Variants in PRKG1 observed in about 807,000 individuals in gnomAD.
PRKG1 encodes cGMP-dependent protein kinase 1.
In PRKG1, 35 loss-of-function variants were observed where a neutral mutation model predicts 88.1. The observed-to-expected ratio is 0.40, with a 90% confidence interval of 0.30 to 0.53. The LOEUF (loss-of-function observed/expected upper bound fraction) is 0.53. Ranked by LOEUF, PRKG1 falls within the 20% of genes least tolerant of loss-of-function variation. The pLI is 0.59. For synonymous variants in PRKG1, 303 were observed against 292.5 expected, an observed-to-expected ratio of 1.04 and a Z score of -0.37; for missense variants, 540 against 839.8, an observed-to-expected ratio of 0.64 and a Z score of 4.41.
chr10:52,087,074 A>C lies in PRKG1; in HGVS notation c.935+24443A>C, dbSNP rs143927366. ...ACATGTGGGGATTATAGGAACTACAATTCAAGATGATATTTGGGTGGGGAC... is the reference window on the plus strand; with the variant it reads ...ACATGTGGGGATTATAGGAACTACACTTCAAGATGATATTTGGGTGGGGAC... On this transcript the variant is annotated intron_variant, in intron 7 of 17. Coordinates refer to ENST00000373980, the MANE Select transcript of PRKG1 (RefSeq NM_006258.4). Among the ~76,000 whole-genome samples the C allele has an allele frequency of 4.6e-3, 694 of 152,224 alleles. 2 individuals carry two copies. The highest frequency in any genetic ancestry group is 0.016 in the African/African-American group (669 of 41,528).
chr10:51,099,987 G>GTCAAACTCCTCAAACTCC (rs1844639175), intron 1 of PRKG1, among the ~76,000 whole-genome samples: 1 of 152,098 alleles, frequency 6.6e-6, no homozygotes, highest in African/African-American at 2.4e-5. Flanking sequence ...TCAAACTCCT[G>GTCAAACTCCTCAAACTCC]GGGTCAAGCC....
chr10:51,618,241 C>T lies in PRKG1; in HGVS notation c.592+150405C>T, dbSNP rs183050914. Among the ~76,000 whole-genome samples the T allele has an allele frequency of 7.9e-4, 121 of 152,284 alleles. No individual in the cohort carries two copies. The East Asian group carries it at 0.018, about 23-fold the overall frequency. On this transcript the variant is annotated intron_variant, in intron 3 of 17. Transcript: ENST00000373980. ...TATACCACAGTTGGCCTAGACTTCC[C>T]TGGGAAAACTGGTCTTTATTTTCTG...
intron 9 of PRKG1, among the ~76,000 whole-genome samples, chr10:52,225,676 T>A (rs1386629815): frequency 6.6e-6 from 1 of 152,156 alleles, no homozygotes; most frequent in Non-Finnish European, 1.5e-5. Context: ...AGGTGAGAGA[T>A]GAGGATCTAG....
intron 2 of PRKG1, among the ~76,000 whole-genome samples, chr10:51,222,023 C>T (rs564962390): frequency 6.6e-6 from 1 of 151,852 alleles, no homozygotes; most frequent in South Asian, 2.1e-4. Flanking sequence ...TACAGGTGCC[C>T]ACCACCACGC....
intron 3 of PRKG1, among the ~76,000 whole-genome samples, chr10:51,665,671 T>C (rs1170017116): frequency 6.6e-6 from 1 of 151,978 alleles, no homozygotes; most frequent in African/African-American, 2.4e-5. Flanking sequence ...CAACAGTTTT[T>C]ATTTTTATTT....
chr10:51,600,861 C>T (rs1050159173), intron 3 of PRKG1, among the ~76,000 whole-genome samples: 3 of 151,640 alleles, frequency 2.0e-5, no homozygotes, highest in African/African-American at 7.3e-5. Flanking sequence ...AGTTTGAGGG[C>T]CCTTTGTTAA....
At chr10:51,964,659 A>G (rs144776427) in intron 5 of PRKG1, among the ~76,000 whole-genome samples, 338 of 152,352 alleles carry the variant, frequency 2.2e-3, no homozygotes, top group African/African-American at 7.8e-3. Context: ...TGATCCAGTT[A>G]TCAAATTTTA....
At chr10:51,405,701 T>C (rs1294507690) in intron 2 of PRKG1, among the ~76,000 whole-genome samples, 3 of 152,210 alleles carry the variant, frequency 2.0e-5, no homozygotes, top group Non-Finnish European at 4.4e-5. Flanking sequence ...CCTGCTTTTC[T>C]GGTCCTGTGT....
intron 5 of PRKG1, among the ~76,000 whole-genome samples, chr10:51,929,304 ATCT>A (rs1459836568): frequency 1.3e-5 from 2 of 148,602 alleles, no homozygotes; most frequent in Admixed American, 6.7e-5. Context: ...CAGCTACATA[ATCT>A]TCTTCCTAGC....
chr10:51,529,064 A>C (rs76761247), intron 3 of PRKG1, among the ~76,000 whole-genome samples: 279 of 152,236 alleles, frequency 1.8e-3, no homozygotes, highest in Non-Finnish European at 2.8e-3. Context: ...GAAACTAAGA[A>C]GATTTTTAGT....
At chr10:51,846,218 C>G (rs1029228696) in intron 4 of PRKG1, among the ~76,000 whole-genome samples, 10 of 152,102 alleles carry the variant, frequency 6.6e-5, no homozygotes, top group African/African-American at 2.4e-4. Context: ...CTTCGTAGAC[C>G]AAAACCTTTA....
At chr10:51,134,778 A>G (rs1845650223) in intron 1 of PRKG1, among the ~76,000 whole-genome samples, 1 of 152,178 alleles carries the variant, frequency 6.6e-6, no homozygotes, top group Admixed American at 6.5e-5. Context: ...CTGGAATGGC[A>G]TACCACTTTC....
intron 9 of PRKG1, among the ~76,000 whole-genome samples, chr10:52,212,601 G>C (rs1840007041): frequency 6.6e-6 from 1 of 151,494 alleles, no homozygotes; most frequent in South Asian, 2.1e-4. Flanking sequence ...CTGTTGGGGG[G>C]AGAGGGGTGG....
chr10:51,227,925 G>C (rs1048161706), intron 2 of PRKG1, among the ~76,000 whole-genome samples: 5 of 151,952 alleles, frequency 3.3e-5, no homozygotes, highest in African/African-American at 1.2e-4. Flanking sequence ...TAATCTCATG[G>C]ACATCTCTAG....
intron 3 of PRKG1, among the ~76,000 whole-genome samples, chr10:51,554,027 A>ATGTGTATATATTATATGTG (rs1837224207): frequency 5.7e-5 from 8 of 140,304 alleles, no homozygotes; most frequent in Admixed American, 5.0e-4. Flanking sequence ...CGTATGTGAT[A>ATGTGTATATATTATATGTG]CGTGTATATA....
chr10:51,452,631 G>T (rs996417137), intron 2 of PRKG1, among the ~76,000 whole-genome samples: 6 of 151,858 alleles, frequency 4.0e-5, no homozygotes, highest in Admixed American at 1.3e-4. Context: ...CTGCATCCCT[G>T]GTATAAAACC....
At chr10:51,631,658 T>C (rs918143141) in intron 3 of PRKG1, among the ~76,000 whole-genome samples, 1 of 152,228 alleles carries the variant, frequency 6.6e-6, no homozygotes, top group South Asian at 2.1e-4. Flanking sequence ...CCTCTGATCA[T>C]CAGGCATTAG....
chr10:51,566,221 T>C (rs1837599724), intron 3 of PRKG1, among the ~76,000 whole-genome samples: 1 of 152,074 alleles, frequency 6.6e-6, no homozygotes, highest in African/African-American at 2.4e-5. Context: ...CACTTGACTA[T>C]GATATGTCAA....
chr10:51,278,613 C>T (rs1166536118), intron 2 of PRKG1, among the ~76,000 whole-genome samples: 1 of 151,946 alleles, frequency 6.6e-6, no homozygotes, highest in Non-Finnish European at 1.5e-5. Flanking sequence ...AGGCTATTAA[C>T]TATTGCCTCA....
Sources: gnomAD v4.1 joint callset for allele counts (sites outside exome capture counted in the v4.1 genomes callset) on GRCh38, gnomAD v4.1.1 for gene constraint, MANE v1.5 for transcripts, NCBI Gene and HGNC (gene_info 2026-07-23, HGNC 2026-07-21) for gene names.